The following ENTREP2 variants were observed in gnomAD, a reference collection of about 807,000 sequenced individuals.
ENTREP2 encodes protein ENTREP2.
At chr15:29,324,775 C>A in the ENTREP2 span, among the ~76,000 whole-genome samples, 2 of 152,086 alleles carry the variant, frequency 1.3e-5, no homozygotes, top group Admixed American at 6.5e-5. Flanking sequence ...ACTGACAGAA[C>A]TGAAAGGAAA....
chr15:29,254,034 C>T, the ENTREP2 span, among the ~76,000 whole-genome samples: 1 of 151,930 alleles, frequency 6.6e-6, no homozygotes, highest in Non-Finnish European at 1.5e-5. Context: ...AATTAGCACT[C>T]TTTCTGCACC....
chr15:29,268,052 A>G, the ENTREP2 span: 1 of 152,202 alleles, frequency 6.6e-6, no homozygotes, highest in African/African-American at 2.4e-5. Flanking sequence ...AACTTCTACA[A>G]AACAGCATTG....
At chr15:29,192,319 A>C in the ENTREP2 span, among the ~76,000 whole-genome samples, 1 of 152,218 alleles carries the variant, frequency 6.6e-6, no homozygotes, top group Non-Finnish European at 1.5e-5. Context: ...AACCCCTAAG[A>C]GAAAGTTTCC....
chr15:29,579,326 TAGCAAC>T, the ENTREP2 span, among the ~76,000 whole-genome samples: 7 of 152,170 alleles, frequency 4.6e-5, no homozygotes, highest in African/African-American at 1.7e-4. Context: ...CACATTTTTA[TAGCAAC>T]AGCAAGAGCA....
chr15:29,149,422 T>C, the ENTREP2 span, among the ~76,000 whole-genome samples: 1 of 152,264 alleles, frequency 6.6e-6, no homozygotes, highest in Admixed American at 6.5e-5. Flanking sequence ...GGAAAGCTCA[T>C]GGCCCAGCTT....
the ENTREP2 span, among the ~76,000 whole-genome samples, chr15:29,130,161 G>A: frequency 2.1e-4 from 32 of 152,284 alleles, no homozygotes; most frequent in African/African-American, 5.3e-4. Context: ...CGTGGGGCTC[G>A]AGAGGTGGTT....
chr15:29,481,108 A>G, the ENTREP2 span, among the ~76,000 whole-genome samples: 1 of 151,772 alleles, frequency 6.6e-6, no homozygotes, highest in Non-Finnish European at 1.5e-5. Flanking sequence ...TCTGCTCCTC[A>G]CCCCCAGTGA....
chr15:29,139,520 C>T, the ENTREP2 span, among the ~76,000 whole-genome samples: 1 of 152,134 alleles, frequency 6.6e-6, no homozygotes, highest in Non-Finnish European at 1.5e-5. Flanking sequence ...AATGACATAC[C>T]CAAGCAAAAC....
the ENTREP2 span, chr15:29,570,046 A>ACCCCCCC: frequency 1.6e-5 from 1 of 62,796 alleles, no homozygotes; most frequent in South Asian, 1.0e-3. Context: ...CCGCCCCCCC[A>ACCCCCCC]CCCCACCCCC....
the ENTREP2 span, among the ~76,000 whole-genome samples, chr15:29,649,487 G>C: frequency 6.6e-6 from 1 of 152,136 alleles, no homozygotes; most frequent in Non-Finnish European, 1.5e-5. Flanking sequence ...TTGAGAGGCT[G>C]AGGTGGGTAG....
the ENTREP2 span, among the ~76,000 whole-genome samples, chr15:29,184,812 T>C: frequency 2.6e-5 from 4 of 152,276 alleles, no homozygotes; most frequent in South Asian, 2.1e-4. Flanking sequence ...TTGGGGACCA[T>C]GGGACATGGA....
the ENTREP2 span, among the ~76,000 whole-genome samples, chr15:29,364,582 G>A: frequency 6.6e-6 from 1 of 152,162 alleles, no homozygotes; most frequent in African/African-American, 2.4e-5. Flanking sequence ...CAGCTGAAAG[G>A]CAGAACACTT....
chr15:29,336,451 T>C, the ENTREP2 span, among the ~76,000 whole-genome samples: 6 of 151,848 alleles, frequency 4.0e-5, no homozygotes, highest in Admixed American at 1.3e-4. Context: ...GCTGGGACTA[T>C]AGGCACACAC....
the ENTREP2 span, among the ~76,000 whole-genome samples, chr15:29,364,968 T>G: frequency 2.6e-5 from 4 of 152,254 alleles, no homozygotes; most frequent in South Asian, 8.3e-4. Flanking sequence ...ACTCTTGGTG[T>G]TGTACATTCT....
At chr15:29,121,543 G>A in the ENTREP2 span, 4 of 152,324 alleles carry the variant, frequency 2.6e-5, no homozygotes, top group Admixed American at 1.3e-4. Context: ...GCTGAAGCTC[G>A]GCTCCAGGGC....
the ENTREP2 span, among the ~76,000 whole-genome samples, chr15:29,464,200 T>C: frequency 2.6e-5 from 4 of 151,974 alleles, no homozygotes; most frequent in Non-Finnish European, 5.9e-5. Flanking sequence ...ACGGTAAATG[T>C]TATGTTATAG....
the ENTREP2 span, among the ~76,000 whole-genome samples, chr15:29,589,770 T>A: frequency 6.6e-6 from 1 of 152,184 alleles, no homozygotes; most frequent in Non-Finnish European, 1.5e-5. Context: ...GGAAAAACAG[T>A]AGGCTTGGAA....
chr15:29,173,201 G>A, the ENTREP2 span, among the ~76,000 whole-genome samples: 3 of 152,314 alleles, frequency 2.0e-5, no homozygotes, highest in South Asian at 2.1e-4. Flanking sequence ...AGGAATGGGC[G>A]GGGCAGGGTG....
the ENTREP2 span, among the ~76,000 whole-genome samples, chr15:29,283,188 C>T: frequency 6.6e-6 from 1 of 152,166 alleles, no homozygotes; most frequent in African/African-American, 2.4e-5. Context: ...GGGAGCCTGT[C>T]CTGCACACTT....
Sources: gnomAD v4.1 joint callset for allele counts (sites outside exome capture counted in the v4.1 genomes callset) on GRCh38, gnomAD v4.1.1 for gene constraint, MANE v1.5 for transcripts, NCBI Gene and HGNC (gene_info 2026-07-23, HGNC 2026-07-21) for gene names.